The following WDR26 variants were observed in gnomAD, a reference collection of about 807,000 sequenced individuals.
WDR26 encodes WD repeat-containing protein 26.
A neutral mutation model predicts 84.1 loss-of-function variants in WDR26; 5 were observed. The observed-to-expected ratio is 0.06, with a 90% CI of 0.03 to 0.13. The LOEUF (loss-of-function observed/expected upper bound fraction) is 0.13. Ranked by LOEUF, WDR26 falls within the 10% of genes least tolerant of loss-of-function variation. The pLI is 1.00. For synonymous variants in WDR26, 415 were observed against 389.6 expected (o/e 1.07, Z -0.77); for missense variants, 642 against 974.9 (o/e 0.66, Z 4.55).
rs779741438 is a variant in WDR26 at position 224,434,688 on chromosome 1, T to TGCG, written c.-286_-284dup. 328 of 895,734 alleles carry TGCG rather than the reference T, an allele frequency of 3.7e-4. No homozygotes were observed. Among genetic ancestry groups the TGCG allele is most frequent in the East Asian group, 1.7e-3 (14 of 8,198 alleles). 55.5% of individuals were successfully genotyped at this position (895,734 alleles called of 1,614,324 possible). A position where few individuals can be genotyped will look rare whatever the true frequency, so the allele number is the denominator to read the frequency against. Reference sequence around the variant, plus strand: ...CGCTGGGCTGAGCCCCGGCAGTGGCTGCGGCGGCGGCGGCGGCGGGCGGCA... The same window carrying TGCG: ...CGCTGGGCTGAGCCCCGGCAGTGGCTGCGGCGGCGGCGGCGGCGGCGGGCGGCA... On this transcript the variant is annotated 5_prime_UTR_variant, in exon 1 of 14. Transcript: ENST00000414423.
At position 224,407,511 on chromosome 1, in the gene WDR26, AT is replaced by A. The variant is rs1198678359; in HGVS notation, c.1459-2942del. Among the ~76,000 whole-genome samples, 605 of 141,658 alleles carry A rather than the reference AT, an allele frequency of 4.3e-3. 4 individuals carry two copies. Among genetic ancestry groups the A allele is most frequent in the Middle Eastern group, 0.011 (3 of 282 alleles). The allele number at this position is 141,658 out of a possible 152,430, so 92.9% of individuals were successfully genotyped here. A position where few individuals can be genotyped will look rare whatever the true frequency, so the allele number is the denominator to read the frequency against. ...CATATATATATATATACATATATAA[AT>A]TTTTTTTTTTTTTTGAGATGGAGTC... On this transcript the variant is annotated intron_variant, in intron 7 of 13. Coordinates refer to ENST00000414423, the MANE Select transcript of WDR26 (RefSeq NM_001379403.1).
intron 6 of WDR26, among the ~76,000 whole-genome samples, chr1:224,414,032 G>T (rs536717690): frequency 6.6e-6 from 1 of 150,446 alleles, no homozygotes; most frequent in African/African-American, 2.4e-5. Context: ...GGCTGGTCTC[G>T]AACTCCTGAC....
intron 7 of WDR26, among the ~76,000 whole-genome samples, 159 bp from the exon 8 acceptor site, chr1:224,404,729 T>A (rs536046048): frequency 6.6e-6 from 1 of 152,226 alleles, no homozygotes; most frequent in Non-Finnish European, 1.5e-5. Flanking sequence ...TAAAGACTCA[T>A]TCACATTGCA....
chr1:224,412,512 A>C (rs1469875422), intron 6 of WDR26, among the ~76,000 whole-genome samples: 4 of 152,236 alleles, frequency 2.6e-5, no homozygotes, highest in Non-Finnish European at 5.9e-5. Context: ...TGAATCTGAC[A>C]CTTAGCTAGT....
intron 7 of WDR26, among the ~76,000 whole-genome samples, 171 bp downstream of exon 7, chr1:224,411,253 GATA>G (rs766019778): frequency 2.8e-4 from 42 of 151,986 alleles, no homozygotes; most frequent in Non-Finnish European, 4.7e-4. Flanking sequence ...CAACAATGTT[GATA>G]ATATTAACTT....
rs1674537335 is a variant in WDR26 at position 224,434,395 on chromosome 1, A to G, written c.11T>C (p.Leu4Pro). 9.6e-7 allele frequency: 1 copy of G among 1,038,212 alleles called. No homozygotes were observed. Among genetic ancestry groups the G allele is most frequent in the Non-Finnish European group, 1.2e-6 (1 of 868,666 alleles). The allele number at this position is 1,038,212 out of a possible 1,614,324, so 64.3% of individuals were successfully genotyped here. ...AGCGGAGGCCAGAGTTTCCTCGCCGAGAGAGGCCGTGGTGGGAAGCCGGTG... is the reference window on the plus strand; with the variant it reads ...AGCGGAGGCCAGAGTTTCCTCGCCGGGAGAGGCCGTGGTGGGAAGCCGGTG... Residue 4 changes from leucine (L) to proline (P), a missense_variant, in exon 1 of 14, where the codon CTC becomes CCC. Physicochemically the swap from Leu to Pro is moderately conservative, Grantham distance 98. This residue lies in a region of WDR26 where 291 missense variants were observed against 302.1 expected (regional missense o/e 0.96). Transcript: ENST00000414423.
intron 13 of WDR26, among the ~76,000 whole-genome samples, chr1:224,391,935 G>C (rs1673136708): frequency 6.6e-6 from 1 of 152,146 alleles, no homozygotes; most frequent in African/African-American, 2.4e-5. Context: ...AAGCACAATG[G>C]AGAGTTGCTG....
At chr1:224,432,510 T>C (rs2102927336) in intron 1 of WDR26, among the ~76,000 whole-genome samples, 1 of 152,354 alleles carries the variant, frequency 6.6e-6, no homozygotes, top group South Asian at 2.1e-4. Context: ...TCTTCCCTCA[T>C]GTATTCTGGT....
chr1:224,419,381 G>T, intron 5 of WDR26, 137 bp downstream of exon 5: 1 of 694,048 alleles, frequency 1.4e-6, no homozygotes, highest in Non-Finnish European at 2.5e-6. Context: ...GACAGAGTCT[G>T]AAAAACTGGA....
chr1:224,396,291 A>AT (rs1176492014), intron 12 of WDR26, among the ~76,000 whole-genome samples: 2 of 152,178 alleles, frequency 1.3e-5, no homozygotes, highest in African/African-American at 4.8e-5. Context: ...GCCATACATA[A>AT]TTTTAAGTAC....
intron 1 of WDR26, 62 bp downstream of exon 1, chr1:224,433,622 A>AC (rs1410308650): frequency 4.0e-5 from 34 of 853,674 alleles, no homozygotes; most frequent in South Asian, 3.9e-4. Context: ...CCCTTCCCCT[A>AC]CCCCCCTGGA....
At position 224,433,944 on chromosome 1, in the gene WDR26, G is replaced by A; in HGVS notation, c.462C>T (p.Ala154=). 1 of 1,533,784 alleles carries A rather than the reference G, an allele frequency of 6.5e-7. No individual in the cohort carries two copies. Among genetic ancestry groups the A allele is most frequent in the East Asian group, 2.4e-5 (1 of 40,824 alleles). ...CGGAAGGCAGGAGCCCATTGGCGTG[G>A]GCCAGGTCCCCCGCGGACGACGACG... The change falls in exon 1 of 14, where the codon GCC becomes GCT. Residue 154 remains alanine (A), a synonymous_variant. Transcript: ENST00000414423.
intron 3 of WDR26, 164 bp downstream of exon 3, chr1:224,431,313 A>T (rs6660212): frequency 0.99 from 591,350 of 596,608 alleles, 293,248 homozygotes; most frequent in East Asian, 1. Flanking sequence ...ATTTTAAAGA[A>T]ATAAAACTCA....
At chr1:224,410,597 TTATAC>T (rs1340300814) in intron 7 of WDR26, among the ~76,000 whole-genome samples, 1 of 151,970 alleles carries the variant, frequency 6.6e-6, no homozygotes, top group Non-Finnish European at 1.5e-5. Flanking sequence ...GGTCCACAAA[TTATAC>T]AAGATAATGA....
At chr1:224,396,855 G>A (rs1426935992) in intron 12 of WDR26, among the ~76,000 whole-genome samples, 1 of 151,744 alleles carries the variant, frequency 6.6e-6, no homozygotes, top group Non-Finnish European at 1.5e-5. Context: ...AGCCCAGGAG[G>A]TGGAGGTTGC....
intron 3 of WDR26, among the ~76,000 whole-genome samples, chr1:224,428,223 A>G (rs1558445249): frequency 6.6e-6 from 1 of 152,152 alleles, no homozygotes; most frequent in African/African-American, 2.4e-5. Context: ...CTTTGCTCCC[A>G]TATTATTAAA....
intron 12 of WDR26, among the ~76,000 whole-genome samples, chr1:224,397,274 A>T (rs1673293199): frequency 6.6e-6 from 1 of 152,192 alleles, no homozygotes; most frequent in African/African-American, 2.4e-5. Flanking sequence ...TACAGGTGTA[A>T]GCCATCATGC....
At position 224,433,463 on chromosome 1, in the gene WDR26, G is replaced by A. The variant is rs11584670; in HGVS notation, c.722+221C>T. Among the ~76,000 whole-genome samples the A allele has an allele frequency of 6.3e-3, 955 of 152,110 alleles. 7 individuals are homozygous for A. The highest frequency in any genetic ancestry group is 9.1e-3 in the Non-Finnish European group (620 of 67,998). Reference sequence around the variant, plus strand: ...CAACGCCTGTCTCGTCTCACAATTTGTCAGACTGATTGATTTTCCCCTATT... The same window carrying A: ...CAACGCCTGTCTCGTCTCACAATTTATCAGACTGATTGATTTTCCCCTATT... On this transcript the variant is annotated intron_variant, in intron 1 of 13. Coordinates refer to ENST00000414423, the MANE Select transcript of WDR26 (RefSeq NM_001379403.1).
In WDR26 at chr1:224,424,777, C is replaced by T. The variant is rs577678640; in HGVS notation, c.928-123G>A. ...CCCTTTGAAATAACTTTTTATAAAG[C>T]TTCAAGATGACTCAAAATATTTTAG... On this transcript the variant is annotated intron_variant, in intron 3 of 13. Transcript: ENST00000414423. 2.7e-4 allele frequency: 340 copies of T among 1,257,060 alleles called. 1 individual carries two copies. The East Asian group carries it at 7.4e-3, about 27-fold the overall frequency. 77.9% of individuals were successfully genotyped at this position (1,257,060 alleles called of 1,614,324 possible). A position where few individuals can be genotyped will look rare whatever the true frequency, so the allele number is the denominator to read the frequency against.
Sources: gnomAD v4.1 joint callset for allele counts (sites outside exome capture counted in the v4.1 genomes callset) on GRCh38, gnomAD v4.1.1 for gene constraint, gnomAD v4.1.1 regional missense constraint, MANE v1.5 for transcripts, NCBI Gene and HGNC (gene_info 2026-07-23, HGNC 2026-07-21) for gene names.